The following FAT3 variants were observed in gnomAD, a reference collection of about 807,000 sequenced individuals.
FAT3 encodes the protein FAT atypical cadherin 3.
In FAT3, 95 loss-of-function variants were observed where a neutral mutation model predicts 310.2. That is an observed-to-expected ratio of 0.31 (90% confidence interval 0.26 to 0.36). The LOEUF (loss-of-function observed/expected upper bound fraction) is 0.36. Among genes scored for constraint, FAT3 ranks in the 10% least tolerant of loss-of-function variants. The pLI is 1.00. For missense variants in FAT3, 5,408 were observed against 5,715.6 expected, an observed-to-expected ratio of 0.95 and a Z score of 1.74; for synonymous variants, 2,314 against 2,192.9, an observed-to-expected ratio of 1.06 and a Z score of -1.54.
At position 92,887,061 on chromosome 11, in the gene FAT3, C is replaced by G. The variant is rs753022451; in HGVS notation, c.12999C>G (p.Asn4333Lys). 1 of 1,612,000 alleles carries G rather than the reference C, an allele frequency of 6.2e-7. No homozygotes were observed. Among genetic ancestry groups the G allele is most frequent in the Non-Finnish European group, 8.5e-7 (1 of 1,179,254 alleles). ...TTGCAGGTAGTAATAAAGGCAGCAA[C>G]TCTGAAGTTCAGTCCCTCAGCTCCT... ...TCFAGSNKGS[N>K]SEVQSLSSFQ... Residue 4333 changes from asparagine to lysine, a missense_variant, in exon 25 of 28, where the codon AAC (asparagine) becomes AAG (lysine). Physicochemically the swap from Asn to Lys is moderately conservative, Grantham distance 94. Transcript: ENST00000525166.
Position 92,889,207 on chromosome 11 carries a change from T to G in FAT3, c.13070T>G (p.Ile4357Ser). ...CCACAAGCCTCCATAGTGACTGTCA[T>G]TCAGCTTGTCAACAATGTAGTTGAC... ...GDDNASIVTVIQLVNNVVDTI... is the reference protein window; with the variant it reads ...GDDNASIVTVSQLVNNVVDTI... The change falls in exon 26 of 28, where the codon ATT (isoleucine) becomes AGT (serine). Residue 4357 changes from isoleucine to serine, a missense_variant. Coordinates refer to ENST00000525166, the MANE Select transcript of FAT3 (RefSeq NM_001367949.2). 1.4e-6 allele frequency: 1 copy of G among 714,544 alleles called. No individual in the cohort carries two copies. Among genetic ancestry groups the G allele is most frequent in the South Asian group, 1.5e-5 (1 of 67,020 alleles). The allele number at this position is 714,544 out of a possible 1,614,324, so 44.3% of individuals were successfully genotyped here.
At chr11:92,345,436 C>A (rs1948388673) in intron 1 of FAT3, among the ~76,000 whole-genome samples, 1 of 152,160 alleles carries the variant, frequency 6.6e-6, no homozygotes, top group Non-Finnish European at 1.5e-5. Flanking sequence ...CAGTGGTTCT[C>A]AAAGTGGGGT....
Position 92,675,385 on chromosome 11 carries a change from C to T in FAT3, c.3608-21999C>T, listed in dbSNP as rs1013049528. On this transcript the variant is annotated intron_variant, in intron 3 of 27. Coordinates refer to ENST00000525166, the MANE Select transcript of FAT3 (RefSeq NM_001367949.2). ...AAAGTTCATCTTAACAACACTTAAA[C>T]TTAAAACTCAATGGGCAGCAATTAG... 5.3e-5 allele frequency among the ~76,000 whole-genome samples: 8 copies of T among 152,294 alleles called. No homozygotes were observed. In the East Asian group the frequency reaches 1.3e-3, roughly 26 times the overall value.
At chr11:92,573,057 CT>C (rs1374905709) in intron 3 of FAT3, among the ~76,000 whole-genome samples, 1 of 152,116 alleles carries the variant, frequency 6.6e-6, no homozygotes, top group African/African-American at 2.4e-5. Context: ...TTTAATTTTT[CT>C]CCACTTTCCC....
intron 7 of FAT3, among the ~76,000 whole-genome samples, chr11:92,784,465 T>C (rs578091552): frequency 5.9e-5 from 9 of 152,306 alleles, no homozygotes; most frequent in Admixed American, 2.6e-4. Context: ...ATGGACACTT[T>C]ATACCATGAG....
At chr11:92,870,108 T>C (rs1949348785) in intron 22 of FAT3, among the ~76,000 whole-genome samples, 1 of 152,170 alleles carries the variant, frequency 6.6e-6, no homozygotes. Context: ...AATTCTGGAG[T>C]ATTGGTCATC....
chr11:92,883,343 G>T lies in FAT3; in HGVS notation c.12887G>T (p.Arg4296Leu). 6.2e-7 allele frequency: 1 copy of T among 1,609,840 alleles called. No individual in the cohort carries two copies. Among genetic ancestry groups the T allele is most frequent in the Non-Finnish European group, 8.5e-7 (1 of 1,178,132 alleles). The change falls in exon 24 of 28, where the codon CGC becomes CTC. Residue 4296 changes from arginine to leucine, a missense_variant. This residue lies in a region of FAT3 where 649 missense variants were observed against 666.2 expected (regional missense o/e 0.97). Coordinates refer to ENST00000525166, the MANE Select transcript of FAT3 (RefSeq NM_001367949.2). The surrounding 1 kb of genome is among the most constrained non-coding windows in gnomAD (Gnocchi z 4.2). The stretch of plus-strand genomic sequence containing the variant: ...AACCTCCCCGCCGTGTCACCCTGCC[G>T]CTCCGACTGCGACTCCATCCGGAAG... ...APNLPAVSPC[R>L]SDCDSIRKNG...
intron 3 of FAT3, among the ~76,000 whole-genome samples, chr11:92,552,825 C>T (rs1954868893): frequency 6.6e-6 from 1 of 151,922 alleles, no homozygotes; most frequent in African/African-American, 2.4e-5. Context: ...TGGCACGTGC[C>T]TGTAATCCCA....
At chr11:92,292,158 C>A (rs1017571766) in intron 1 of FAT3, among the ~76,000 whole-genome samples, 1 of 151,852 alleles carries the variant, frequency 6.6e-6, no homozygotes, top group Non-Finnish European at 1.5e-5. Flanking sequence ...ATATTGGTTG[C>A]CTGTAATCAA....
intron 14 of FAT3, 63 bp downstream of exon 14, chr11:92,832,074 T>C: frequency 2.0e-6 from 3 of 1,466,930 alleles, no homozygotes; most frequent in East Asian, 2.5e-5. Context: ...CTCACACCTG[T>C]AAACCTAGCA....
At chr11:92,726,574 G>A (rs1264184880) in intron 4 of FAT3, among the ~76,000 whole-genome samples, 3 of 152,080 alleles carry the variant, frequency 2.0e-5, no homozygotes, top group Non-Finnish European at 4.4e-5. Flanking sequence ...AAGATACTCA[G>A]ATGCTTGAAA....
intron 22 of FAT3, among the ~76,000 whole-genome samples, chr11:92,875,991 A>G (rs1949522578): frequency 6.6e-6 from 1 of 152,184 alleles, no homozygotes; most frequent in South Asian, 2.1e-4. Context: ...GTTAGAATCC[A>G]GTTTCCATGA....
Position 92,697,429 on chromosome 11 carries a change from C to T in FAT3, c.3653C>T (p.Ala1218Val), listed in dbSNP as rs1264546458. The change falls in exon 4 of 28, where the codon GCA (alanine) becomes GTA (valine). Residue 1218 changes from alanine to valine, a missense_variant. Around this residue, in one of 5 missense-constraint regions of FAT3, gnomAD observed 4,588 missense variants for 4,809.8 expected, o/e 0.95. Transcript: ENST00000525166. Reference protein sequence around the residue: ...TSRKLDREQQAEHFLEVTVTD... With the variant: ...TSRKLDREQQVEHFLEVTVTD... ...AGGAAATTGGATCGAGAACAGCAGG[C>T]AGAACATTTTCTGGAGGTAAGCGCA... The T allele has an allele frequency of 6.2e-7, 1 of 1,613,790 alleles. No individual in the cohort carries two copies. The highest frequency in any genetic ancestry group is 8.5e-7 in the Non-Finnish European group (1 of 1,179,798).
chr11:92,400,025 A>G (rs1949974783), intron 2 of FAT3, among the ~76,000 whole-genome samples: 2 of 152,158 alleles, frequency 1.3e-5, no homozygotes, highest in African/African-American at 2.4e-5. Flanking sequence ...GGCACAGACT[A>G]TTGGCTTTCC....
intron 1 of FAT3, among the ~76,000 whole-genome samples, chr11:92,331,956 CCTT>C (rs1200383115): frequency 6.6e-6 from 1 of 152,176 alleles, no homozygotes; most frequent in East Asian, 1.9e-4. Flanking sequence ...CTTATCAAAT[CCTT>C]CTGCTTCTTA....
chr11:92,895,531 T>C lies in FAT3; in HGVS notation c.*4418T>C, dbSNP rs1254375096. ...GTGTTTAGAATGCACTTGAGAATCG[T>C]AGAGTCATTTGGAGCGTGTTTGGAC... On this transcript the variant is annotated 3_prime_UTR_variant, in exon 28 of 28. Transcript: ENST00000525166. 1 of 152,206 alleles carries C rather than the reference T, an allele frequency of 6.6e-6. No individual in the cohort carries two copies. Among genetic ancestry groups the C allele is most frequent in the East Asian group, 1.9e-4 (1 of 5,198 alleles). 9.4% of individuals were successfully genotyped at this position (152,206 alleles called of 1,614,324 possible).
At chr11:92,416,217 TAC>T (rs1231290132) in intron 2 of FAT3, among the ~76,000 whole-genome samples, 21 of 35,950 alleles carry the variant, frequency 5.8e-4, no homozygotes, top group African/African-American at 2.4e-3. Flanking sequence ...CTACTAAAGA[TAC>T]AAAAAAAAAA....
intron 1 of FAT3, among the ~76,000 whole-genome samples, chr11:92,286,279 G>A (rs75543108): frequency 0.015 from 2,337 of 152,226 alleles, 25 homozygotes; most frequent in Non-Finnish European, 0.024. Context: ...CGACCTCTAG[G>A]CAATCACTGC....
chr11:92,418,269 A>G (rs1375982991), intron 2 of FAT3, among the ~76,000 whole-genome samples: 8 of 152,124 alleles, frequency 5.3e-5, no homozygotes, highest in Admixed American at 2.0e-4. Context: ...TCTCTTAGTA[A>G]ATCCATCATT....
Sources: gnomAD v4.1 joint callset for allele counts (sites outside exome capture counted in the v4.1 genomes callset) on GRCh38, gnomAD v4.1.1 for gene constraint, gnomAD v4.1.1 regional missense constraint, Gnocchi (gnomAD v3.1) non-coding constraint, MANE v1.5 for transcripts, NCBI Gene and HGNC (gene_info 2026-07-23, HGNC 2026-07-21) for gene names.